ELMO1: variants seen among roughly 807,000 people sequenced by gnomAD.
The protein encoded by ELMO1 is engulfment and cell motility 1, also known as engulfment and cell motility protein 1.
Under a neutral mutation model 98.9 loss-of-function variants are expected in ELMO1, and 26 were observed. That is an observed-to-expected ratio of 0.26 (90% CI 0.19 to 0.36). The LOEUF is 0.36. ELMO1 is among the 10% of genes least tolerant of loss of function. The probability of loss-of-function intolerance (pLI) is 1.00; values close to 1 mark genes in which losing one functional copy is unlikely to be tolerated. For missense variants in ELMO1, 627 were observed against 935.2 expected, an observed-to-expected ratio of 0.67 and a Z score of 4.30; for synonymous variants, 346 against 346.0, an observed-to-expected ratio of 1.00 and a Z score of 0.00.
intron 16 of ELMO1, among the ~76,000 whole-genome samples, chr7:36,970,775 G>C (rs959484328): frequency 1.3e-5 from 2 of 152,180 alleles, no homozygotes; most frequent in Non-Finnish European, 2.9e-5. Context: ...AGTTACTTAG[G>C]TATGTGGTTG....
Position 37,179,269 on chromosome 7 carries a change from G to T in ELMO1, c.1086+32117C>A, listed in dbSNP as rs974731132. ...TAATCCAAATTTAATCTGAATGTTT[G>T]CATATAGCTCTTTTTTTTTTTTTTT... On this transcript the variant is annotated intron_variant, in intron 13 of 21. Transcript: ENST00000310758. Among the ~76,000 whole-genome samples, 5 of 145,216 alleles carry T rather than the reference G, an allele frequency of 3.4e-5. No individual in the cohort carries two copies. The East Asian group carries it at 1.0e-3, about 30-fold the overall frequency.
chr7:37,385,356 C>A (rs1385868700), intron 1 of ELMO1, among the ~76,000 whole-genome samples: 1 of 152,222 alleles, frequency 6.6e-6, no homozygotes, highest in African/African-American at 2.4e-5. Context: ...CCCCTCCAGC[C>A]ACACTGGCCC....
chr7:37,358,887 T>C (rs1204638883), intron 1 of ELMO1, among the ~76,000 whole-genome samples: 2 of 152,180 alleles, frequency 1.3e-5, no homozygotes, highest in African/African-American at 4.8e-5. Flanking sequence ...AGAAAGTGAC[T>C]GATGGCAGTG....
intron 4 of ELMO1, among the ~76,000 whole-genome samples, chr7:37,310,214 A>G (rs922578177): frequency 6.6e-6 from 1 of 152,240 alleles, no homozygotes; most frequent in East Asian, 1.9e-4. Context: ...TAAATAAGAC[A>G]TTAGCGATAC....
intron 13 of ELMO1, among the ~76,000 whole-genome samples, chr7:37,198,840 G>A (rs1487337725): frequency 6.6e-6 from 1 of 152,226 alleles, no homozygotes; most frequent in African/African-American, 2.4e-5. Flanking sequence ...ACAGCCAGGG[G>A]ACAGAGTTAT....
chr7:37,319,145 G>A (rs1157811315), intron 2 of ELMO1, among the ~76,000 whole-genome samples: 1 of 152,076 alleles, frequency 6.6e-6, no homozygotes, highest in Non-Finnish European at 1.5e-5. Flanking sequence ...CAGTCTGTTA[G>A]ACAGAACATT....
At chr7:37,017,939 A>C (rs1389360816) in intron 15 of ELMO1, among the ~76,000 whole-genome samples, 1 of 152,174 alleles carries the variant, frequency 6.6e-6, no homozygotes, top group Non-Finnish European at 1.5e-5. Flanking sequence ...CATTCGAATA[A>C]TTAAATGTGA....
At chr7:37,202,304 T>C (rs1792341889) in intron 13 of ELMO1, among the ~76,000 whole-genome samples, 2 of 152,222 alleles carry the variant, frequency 1.3e-5, no homozygotes, top group African/African-American at 4.8e-5. Context: ...TTTCCAGAGA[T>C]GCTCTGTGGC....
chr7:37,006,534 A>G (rs1793135721), intron 16 of ELMO1, among the ~76,000 whole-genome samples: 1 of 152,216 alleles, frequency 6.6e-6, no homozygotes, highest in Admixed American at 6.5e-5. Flanking sequence ...TTGCCTTTGC[A>G]CCATGCATTC....
intron 14 of ELMO1, among the ~76,000 whole-genome samples, chr7:37,113,958 G>A (rs73692618): frequency 0.01 from 1,543 of 152,294 alleles, 30 homozygotes; most frequent in African/African-American, 0.035. Context: ...ATAGAGTTCT[G>A]TAGTTTAAGC....
chr7:36,926,150 C>T (rs1785552892), intron 16 of ELMO1, among the ~76,000 whole-genome samples: 1 of 152,138 alleles, frequency 6.6e-6, no homozygotes, highest in Non-Finnish European at 1.5e-5. Context: ...AAGGAAGATC[C>T]CAGCTGCCCA....
At chr7:37,381,037 CAAG>C (rs998182360) in intron 1 of ELMO1, among the ~76,000 whole-genome samples, 63 of 152,290 alleles carry the variant, frequency 4.1e-4, no homozygotes, top group African/African-American at 1.4e-3. Flanking sequence ...AGACATGAAA[CAAG>C]AAGACAGGGC....
chr7:37,206,605 T>C (rs767505636), intron 13 of ELMO1, among the ~76,000 whole-genome samples: 2 of 152,232 alleles, frequency 1.3e-5, no homozygotes, highest in African/African-American at 2.4e-5. Context: ...ATTATACTTG[T>C]GTAACTACAG....
intron 1 of ELMO1, among the ~76,000 whole-genome samples, chr7:37,400,309 T>A (rs1803471166): frequency 6.6e-6 from 1 of 152,082 alleles, no homozygotes; most frequent in African/African-American, 2.4e-5. Context: ...AGAATCCGCA[T>A]CGGTACACTG....
At chr7:36,965,464 G>A (rs1317041167) in intron 16 of ELMO1, among the ~76,000 whole-genome samples, 2 of 152,178 alleles carry the variant, frequency 1.3e-5, no homozygotes, top group Non-Finnish European at 2.9e-5. Context: ...AAGAGAGGGA[G>A]GCACTGGAGA....
chr7:36,919,382 C>T (rs765568027), intron 16 of ELMO1: 2 of 532,688 alleles, frequency 3.8e-6, no homozygotes, highest in South Asian at 1.4e-5. Flanking sequence ...ATTCCTGAAC[C>T]AATCTCTCTG....
intron 13 of ELMO1, among the ~76,000 whole-genome samples, chr7:37,155,225 T>C (rs1337715938): frequency 6.6e-6 from 1 of 152,192 alleles, no homozygotes; most frequent in Non-Finnish European, 1.5e-5. Context: ...TAAAGACCAC[T>C]GATGCTAGGA....
At chr7:37,230,058 T>C (rs1452255022) in intron 8 of ELMO1, among the ~76,000 whole-genome samples, 1 of 152,170 alleles carries the variant, frequency 6.6e-6, no homozygotes, top group Non-Finnish European at 1.5e-5. Context: ...TAAAATATAT[T>C]TAAATACAGT....
At chr7:37,121,094 G>C (rs1427904032) in intron 14 of ELMO1, among the ~76,000 whole-genome samples, 2 of 152,142 alleles carry the variant, frequency 1.3e-5, no homozygotes, top group African/African-American at 4.8e-5. Context: ...CTAACAAACA[G>C]AAAGGACATC....
Sources: gnomAD v4.1 joint callset for allele counts (sites outside exome capture counted in the v4.1 genomes callset) on GRCh38, gnomAD v4.1.1 for gene constraint, MANE v1.5 for transcripts, NCBI Gene and HGNC (gene_info 2026-07-23, HGNC 2026-07-21) for gene names.